LIPC: variants seen among roughly 807,000 people sequenced by gnomAD.
LIPC encodes the protein lipase C, hepatic type.
In LIPC, 44 loss-of-function variants were observed where a neutral mutation model predicts 50.7. The observed-to-expected ratio is 0.87, with a 90% CI of 0.68 to 1.11. LIPC has a LOEUF of 1.11. LIPC is among the 50% of genes most tolerant of loss of function. The pLI is 0.00. For missense variants in LIPC, 697 were observed against 648.2 expected (o/e 1.08, Z -0.82); for synonymous variants, 271 against 256.4 (o/e 1.06, Z -0.54).
intron 1 of LIPC, among the ~76,000 whole-genome samples, chr15:58,437,845 A>C (rs1042388370): frequency 6.6e-6 from 1 of 152,124 alleles, no homozygotes; most frequent in African/African-American, 2.4e-5. Flanking sequence ...GGGAAATTCT[A>C]TCTTTCCCAT....
At chr15:58,489,817 A>G (rs1363943169) in intron 1 of LIPC, among the ~76,000 whole-genome samples, 1 of 152,044 alleles carries the variant, frequency 6.6e-6, no homozygotes, top group Admixed American at 6.6e-5. Flanking sequence ...GAGTTTGGGG[A>G]GTGGCTATTA....
chr15:58,486,127 T>C (rs985663557), intron 1 of LIPC, among the ~76,000 whole-genome samples: 25 of 152,178 alleles, frequency 1.6e-4, no homozygotes, highest in Non-Finnish European at 1.5e-4. Context: ...CTGCCACTCC[T>C]TGACATGGAC....
chr15:58,542,039 G>A (rs1893349749), intron 3 of LIPC, 72 bp downstream of exon 3: 2 of 1,503,234 alleles, frequency 1.3e-6, no homozygotes, highest in African/African-American at 2.8e-5. Context: ...AATGAATTAA[G>A]CTGGTCTCCA....
At chr15:58,506,708 G>A (rs369542430) in intron 1 of LIPC, among the ~76,000 whole-genome samples, 1 of 152,214 alleles carries the variant, frequency 6.6e-6, no homozygotes, top group African/African-American at 2.4e-5. Context: ...AAAGCTGGCT[G>A]TGTTCCCAAC....
chr15:58,475,411 G>A (rs866197338), intron 1 of LIPC, among the ~76,000 whole-genome samples: 2 of 152,200 alleles, frequency 1.3e-5, no homozygotes, highest in Admixed American at 1.3e-4. Flanking sequence ...TCTGCCTCTT[G>A]ACCATCTCCA....
intron 6 of LIPC, among the ~76,000 whole-genome samples, chr15:58,555,712 C>T (rs551014868): frequency 6.6e-6 from 1 of 152,278 alleles, no homozygotes; most frequent in East Asian, 1.9e-4. Flanking sequence ...TTAAGGAAAC[C>T]AACAAGGACT....
chr15:58,545,627 G>A (rs867530713), intron 4 of LIPC, 115 bp from the exon 5 acceptor site: 44 of 857,970 alleles, frequency 5.1e-5, no homozygotes, highest in African/African-American at 2.7e-4. Context: ...TCAGCCCTAC[G>A]TGTTTCTTCT....
chr15:58,558,772 G>T (rs1185494514), intron 6 of LIPC, among the ~76,000 whole-genome samples: 1 of 152,190 alleles, frequency 6.6e-6, no homozygotes, highest in South Asian at 2.1e-4. Context: ...GACTGCTGGT[G>T]TATAGGGTAC....
chr15:58,458,877 G>A (rs1415525191), intron 1 of LIPC, among the ~76,000 whole-genome samples: 2 of 152,206 alleles, frequency 1.3e-5, no homozygotes, highest in African/African-American at 2.4e-5. Context: ...TTCCTCAGGA[G>A]ATGATTAAGT....
intron 1 of LIPC, among the ~76,000 whole-genome samples, chr15:58,455,232 C>T (rs1205986480): frequency 6.6e-6 from 1 of 152,220 alleles, no homozygotes. Flanking sequence ...AAGGGCCAGA[C>T]AGTAAATATT....
chr15:58,535,587 T>C (rs146147369), intron 1 of LIPC, among the ~76,000 whole-genome samples: 2 of 152,182 alleles, frequency 1.3e-5, no homozygotes, highest in Non-Finnish European at 2.9e-5. Flanking sequence ...CAAGACAGAA[T>C]TGGTCCTATG....
intron 6 of LIPC, among the ~76,000 whole-genome samples, chr15:58,555,701 G>A (rs1893920409): frequency 6.6e-6 from 1 of 152,234 alleles, no homozygotes; most frequent in Non-Finnish European, 1.5e-5. Context: ...GGTGGGCAGT[G>A]TTAAGGAAAC....
At chr15:58,555,540 A>G (rs1053596689) in intron 6 of LIPC, among the ~76,000 whole-genome samples, 1 of 152,196 alleles carries the variant, frequency 6.6e-6, no homozygotes, top group African/African-American at 2.4e-5. Flanking sequence ...GCTCCACTGA[A>G]CTATCTGGAT....
At chr15:58,540,426 A>AG (rs1260521977) in intron 2 of LIPC, among the ~76,000 whole-genome samples, 1 of 152,100 alleles carries the variant, frequency 6.6e-6, no homozygotes. Context: ...TATTAACCCC[A>AG]TTTTCCAGGT....
At chr15:58,531,741 A>G (rs1892967533) in intron 1 of LIPC, among the ~76,000 whole-genome samples, 1 of 152,142 alleles carries the variant, frequency 6.6e-6, no homozygotes, top group Admixed American at 6.5e-5. Context: ...TACAACAACA[A>G]AGAAGAGGTG....
chr15:58,488,638 C>T (rs1201211169), intron 1 of LIPC, among the ~76,000 whole-genome samples: 1 of 152,212 alleles, frequency 6.6e-6, no homozygotes, highest in Non-Finnish European at 1.5e-5. Context: ...GAAGTACAGC[C>T]CAGGCATGGG....
intron 1 of LIPC, among the ~76,000 whole-genome samples, chr15:58,482,055 A>T (rs906215956): frequency 3.9e-5 from 6 of 152,230 alleles, no homozygotes; most frequent in Admixed American, 1.3e-4. Context: ...ATTCTCATTC[A>T]TATGGACTAA....
intron 1 of LIPC, among the ~76,000 whole-genome samples, chr15:58,472,012 G>A (rs1220556524): frequency 6.6e-6 from 1 of 152,192 alleles, no homozygotes; most frequent in African/African-American, 2.4e-5. Context: ...GCTCATGCCT[G>A]TAATCCCAGC....
chr15:58,438,153 C>T (rs1893372852), intron 1 of LIPC, among the ~76,000 whole-genome samples: 2 of 152,158 alleles, frequency 1.3e-5, no homozygotes, highest in South Asian at 4.1e-4. Flanking sequence ...CCACGATGGC[C>T]CTCTCCCTGC....
Sources: gnomAD v4.1 joint callset for allele counts (sites outside exome capture counted in the v4.1 genomes callset) on GRCh38, gnomAD v4.1.1 for gene constraint, MANE v1.5 for transcripts, NCBI Gene and HGNC (gene_info 2026-07-23, HGNC 2026-07-21) for gene names.